The following ACAD9 variants were observed in gnomAD, a reference collection of about 807,000 sequenced individuals.
The protein encoded by ACAD9 is acyl-CoA dehydrogenase family member 9, also known as complex I assembly factor ACAD9, mitochondrial.
ACAD9 carries 53 observed loss-of-function variants against 70.2 expected under a neutral mutation model. The ratio of observed to expected loss-of-function variants is 0.75; its 90% CI spans 0.61 to 0.95. The LOEUF (loss-of-function observed/expected upper bound fraction) is 0.95, where lower values mean the gene tolerates loss of function less well. ACAD9 is among the 40% of genes least tolerant of loss of function. ACAD9 has a pLI of 0.00. For synonymous variants in ACAD9, 313 were observed against 312.1 expected (o/e 1.00, Z -0.03); for missense variants, 777 against 802.8 (o/e 0.97, Z 0.39).
chr3:128,898,208 AT>A (rs1935621764), intron 6 of ACAD9, among the ~76,000 whole-genome samples: 1 of 151,978 alleles, frequency 6.6e-6, no homozygotes, highest in African/African-American at 2.4e-5. Flanking sequence ...TTTCAGACAT[AT>A]TCTGTGTGCC....
At position 128,904,448 on chromosome 3, in the gene ACAD9, AG is replaced by A. The variant is rs35316785; in HGVS notation, c.1095del (p.Met366CysfsTer17). ...VMESMTYLTA[G>X]MLDQPGFPDC... is the part of the protein sequence containing the mutation. ...TGGAGAGTATGACCTACCTCACAGC[AG>A]GGATGCTGGACCAACCTGGCTTTCC... On this transcript the variant is annotated frameshift_variant, in exon 11 of 18. Coordinates refer to ENST00000308982, the MANE Select transcript of ACAD9 (RefSeq NM_014049.5). LOFTEE classifies it high-confidence loss of function. 6.2e-7 allele frequency: 1 copy of A among 1,614,072 alleles called. No homozygotes were observed. The highest frequency in any genetic ancestry group is 1.7e-5 in the Admixed American group (1 of 60,012).
chr3:128,887,082 G>T (rs867476593), intron 2 of ACAD9, among the ~76,000 whole-genome samples: 1 of 152,084 alleles, frequency 6.6e-6, no homozygotes, highest in Admixed American at 6.6e-5. Context: ...GCACCGCCAC[G>T]CCTGGCTAAT....
chr3:128,906,475 C>T lies in ACAD9; in HGVS notation c.1278+226C>T, dbSNP rs1680788. 0.44 allele frequency among the ~76,000 whole-genome samples: 66,293 copies of T among 152,034 alleles called. 16,951 individuals carry two copies. The highest frequency in any genetic ancestry group is 0.7 in the African/African-American group (29,148 of 41,478). Reference sequence around the variant, plus strand: ...ATGTGCCAGGTGGCAGGGGAGGGAACTGGGGCCACAGAGATGACTTCGGAT... The same window carrying T: ...ATGTGCCAGGTGGCAGGGGAGGGAATTGGGGCCACAGAGATGACTTCGGAT... On this transcript the variant is annotated intron_variant, in intron 12 of 17. Coordinates refer to ENST00000308982, the MANE Select transcript of ACAD9 (RefSeq NM_014049.5).
At chr3:128,887,909 G>C (rs1233507654) in intron 2 of ACAD9, among the ~76,000 whole-genome samples, 2 of 152,114 alleles carry the variant, frequency 1.3e-5, no homozygotes, top group East Asian at 3.9e-4. Context: ...GACAGCTGTA[G>C]GCAGCCAGCA....
At chr3:128,908,366 G>A (rs1459481241) in intron 13 of ACAD9, 102 bp downstream of exon 13, 1 of 1,388,664 alleles carries the variant, frequency 7.2e-7, no homozygotes, top group South Asian at 1.2e-5. Context: ...CTGGAGTGGG[G>A]GCATGGGGGT....
chr3:128,885,370 T>C (rs1046242107), intron 2 of ACAD9, among the ~76,000 whole-genome samples: 2 of 152,166 alleles, frequency 1.3e-5, no homozygotes, highest in African/African-American at 4.8e-5. Flanking sequence ...ATATTTGCCA[T>C]CTTAGGGGTT....
chr3:128,894,731 T>C (rs1935520410), intron 3 of ACAD9, among the ~76,000 whole-genome samples: 2 of 152,002 alleles, frequency 1.3e-5, no homozygotes, highest in Non-Finnish European at 2.9e-5. Context: ...GCTGGGGTCC[T>C]GCTATGTTGC....
chr3:128,890,948 T>C (rs1358469553), intron 2 of ACAD9, among the ~76,000 whole-genome samples: 1 of 151,352 alleles, frequency 6.6e-6, no homozygotes, highest in Non-Finnish European at 1.5e-5. Flanking sequence ...TTCAAGCGAT[T>C]CTCCTGCCTC....
intron 2 of ACAD9, among the ~76,000 whole-genome samples, chr3:128,886,668 AC>A (rs111601497): frequency 0.39 from 58,834 of 150,192 alleles, 13,312 homozygotes; most frequent in African/African-American, 0.62. Flanking sequence ...AGATCGCGCC[AC>A]TGCACTCCAG....
Position 128,887,747 on chromosome 3 carries a change from T to C in ACAD9, c.244+3001T>C, listed in dbSNP as rs1017287656. ...TTGGAATAAATAGCAAATGCTGGAA[T>C]AAAAACTATGTTCATTCAGCTGCCA... On this transcript the variant is annotated intron_variant, in intron 2 of 17. Coordinates refer to ENST00000308982, the MANE Select transcript of ACAD9 (RefSeq NM_014049.5). Among the ~76,000 whole-genome samples the C allele has an allele frequency of 2.6e-5, 4 of 151,376 alleles. No individual in the cohort carries two copies. In the East Asian group the frequency reaches 7.7e-4, roughly 29 times the overall value.
intron 7 of ACAD9, among the ~76,000 whole-genome samples, chr3:128,900,362 C>A (rs550957701): frequency 4.6e-5 from 7 of 152,150 alleles, no homozygotes; most frequent in Non-Finnish European, 8.8e-5. Flanking sequence ...CTCAGCCTCC[C>A]GAATAGCTGG....
At chr3:128,896,669 G>T (rs964514465) in intron 5 of ACAD9, 133 bp downstream of exon 5, 11 of 863,708 alleles carry the variant, frequency 1.3e-5, no homozygotes, top group Non-Finnish European at 2.1e-5. Flanking sequence ...AATCAACTCA[G>T]CAACTGTTCT....
chr3:128,912,446 G>C, intron 17 of ACAD9, 61 bp from the exon 18 acceptor site: 1 of 1,501,920 alleles, frequency 6.7e-7, no homozygotes, highest in Non-Finnish European at 9.2e-7. Context: ...CCCCACTTCA[G>C]CCATGTTTGT....
At chr3:128,909,986 T>TAGTG (rs1936083691) in intron 15 of ACAD9, 35 bp from the exon 16 acceptor site, 3 of 1,610,298 alleles carry the variant, frequency 1.9e-6, no homozygotes, top group Non-Finnish European at 2.5e-6. Flanking sequence ...CTGGTCTAGG[T>TAGTG]AGTGAGTCCC....
intron 4 of ACAD9, among the ~76,000 whole-genome samples, chr3:128,895,719 G>GTCT (rs111842935): frequency 1.1e-5 from 1 of 90,456 alleles, no homozygotes; most frequent in Non-Finnish European, 1.9e-5. Flanking sequence ...GCTGGAAGTG[G>GTCT]TCTCTCCTGA....
chr3:128,910,857 A>G (rs1013079776), intron 17 of ACAD9, 44 bp downstream of exon 17: 1 of 1,598,366 alleles, frequency 6.3e-7, no homozygotes, highest in Admixed American at 1.7e-5. Context: ...GCCCACTTCT[A>G]GGCCCCTATT....
Position 128,908,999 on chromosome 3 carries a change from C to T in ACAD9, c.1385C>T (p.Thr462Ile). The T allele has an allele frequency of 6.2e-7, 1 of 1,614,208 alleles. No individual in the cohort carries two copies. Among genetic ancestry groups the T allele is most frequent in the Non-Finnish European group, 8.5e-7 (1 of 1,180,038 alleles). Residue 462 changes from threonine (T) to isoleucine (I), a missense_variant, in exon 14 of 18, where the codon ACA becomes ATA. Coordinates refer to ENST00000308982, the MANE Select transcript of ACAD9 (RefSeq NM_014049.5). Reference sequence around the variant, plus strand: ...GAGCTTAAACAGGCCAAAGTGAGCACAGTCATGGATACCGTTGGCCGGAGG... The same window carrying T: ...GAGCTTAAACAGGCCAAAGTGAGCATAGTCATGGATACCGTTGGCCGGAGG... ...IHELKQAKVS[T>I]VMDTVGRRLR...
chr3:128,895,762 T>A (rs1935552965), intron 4 of ACAD9, among the ~76,000 whole-genome samples: 1 of 152,130 alleles, frequency 6.6e-6, no homozygotes, highest in Admixed American at 6.5e-5. Context: ...ATGCCCCCAC[T>A]CTTTATGCAA....
At chr3:128,900,773 C>T (rs1468073871) in intron 7 of ACAD9, among the ~76,000 whole-genome samples, 1 of 152,092 alleles carries the variant, frequency 6.6e-6, no homozygotes, top group Non-Finnish European at 1.5e-5. Context: ...GGAGGTCCAT[C>T]CCTCCTCACA....
Sources: allele counts gnomAD v4.1 joint callset (sites outside exome capture counted in the v4.1 genomes callset), GRCh38; gene constraint gnomAD v4.1.1; transcripts MANE v1.5; gene names NCBI Gene and HGNC (gene_info 2026-07-23, HGNC 2026-07-21).